Variants in CORO2B observed in about 807,000 individuals in gnomAD.
CORO2B encodes coronin-2B.
In CORO2B, 26 loss-of-function variants were observed where a neutral mutation model predicts 58.8. The ratio of observed to expected loss-of-function variants is 0.44; its 90% confidence interval spans 0.32 to 0.61. The LOEUF (loss-of-function observed/expected upper bound fraction) is 0.61. Among genes scored for constraint, CORO2B ranks in the 20% least tolerant of loss-of-function variants. The pLI, the probability that CORO2B is intolerant of heterozygous loss-of-function variation, is 0.04. For missense variants in CORO2B, 460 were observed against 645.1 expected, an observed-to-expected ratio of 0.71 and a Z score of 3.11; for synonymous variants, 242 against 253.8, an observed-to-expected ratio of 0.95 and a Z score of 0.44.
intron 2 of CORO2B, among the ~76,000 whole-genome samples, chr15:68,691,278 C>T (rs1361222389): frequency 4.2e-5 from 6 of 141,874 alleles, no homozygotes; most frequent in East Asian, 4.2e-4. Context: ...TGCAGTGAGC[C>T]GAGATCGCGC....
chr15:68,611,497 C>T (rs887449074), intron 1 of CORO2B, among the ~76,000 whole-genome samples: 1 of 152,170 alleles, frequency 6.6e-6, no homozygotes, highest in African/African-American at 2.4e-5. Flanking sequence ...ATTATTTATA[C>T]CATATTTTAC....
chr15:68,641,347 T>C (rs1198520010), intron 1 of CORO2B, among the ~76,000 whole-genome samples: 2 of 152,086 alleles, frequency 1.3e-5, no homozygotes, highest in African/African-American at 4.8e-5. Flanking sequence ...AAGGAGTCAC[T>C]CAAGAGACCA....
At chr15:68,631,930 G>A (rs574637772) in intron 1 of CORO2B, 1 of 985,342 alleles carries the variant, frequency 1.0e-6, no homozygotes, top group Admixed American at 6.1e-5. Context: ...GGCCACCAGG[G>A]AGGGCCACAT....
chr15:68,569,694 C>T, the CORO2B span, among the ~76,000 whole-genome samples: 3 of 152,330 alleles, frequency 2.0e-5, no homozygotes, highest in Non-Finnish European at 2.9e-5. Context: ...GAATAGGTTT[C>T]GTTTTGTAAG....
chr15:68,605,547 A>G (rs1306754625), intron 1 of CORO2B, among the ~76,000 whole-genome samples: 1 of 152,312 alleles, frequency 6.6e-6, no homozygotes, highest in Non-Finnish European at 1.5e-5. Context: ...GTGTGGGAAA[A>G]TATTCGTGCT....
At chr15:68,684,263 C>T (rs1262253805) in intron 2 of CORO2B, among the ~76,000 whole-genome samples, 1 of 152,200 alleles carries the variant, frequency 6.6e-6, no homozygotes, top group Non-Finnish European at 1.5e-5. Context: ...TAAAAGGCTC[C>T]TGTCAATATG....
intron 2 of CORO2B, among the ~76,000 whole-genome samples, chr15:68,689,435 T>C (rs1892302371): frequency 6.6e-6 from 1 of 152,190 alleles, no homozygotes. Flanking sequence ...ACTAAATCTC[T>C]GTTTTCTTAG....
the CORO2B span, among the ~76,000 whole-genome samples, chr15:68,529,658 A>C: frequency 6.6e-6 from 1 of 152,136 alleles, no homozygotes; most frequent in Admixed American, 6.5e-5. Context: ...CAATTTATTG[A>C]TCTTTTTAAA....
rs557756169 is a variant in CORO2B at position 68,651,111 on chromosome 15, T to C, written c.216+5751T>C. Among the ~76,000 whole-genome samples, 47 of 152,308 alleles carry C rather than the reference T, an allele frequency of 3.1e-4. 1 individual carries two copies. The highest frequency in any genetic ancestry group is 1.1e-3 in the African/African-American group (47 of 41,580). ...TGACTCCGTGGGAGGGTGAGGCAGC[T>C]CCTTGATCTGCGAGGCTCAAGTAAG... On this transcript the variant is annotated intron_variant, in intron 2 of 11. Transcript: ENST00000261861.
At chr15:68,541,827 C>T in the CORO2B span, among the ~76,000 whole-genome samples, 1 of 152,152 alleles carries the variant, frequency 6.6e-6, no homozygotes. Context: ...TGAGGGAGAC[C>T]CTTGGTGGCT....
At chr15:68,684,299 T>G (rs1160127915) in intron 2 of CORO2B, among the ~76,000 whole-genome samples, 1 of 152,112 alleles carries the variant, frequency 6.6e-6, no homozygotes, top group African/African-American at 2.4e-5. Context: ...CAAGGAGAAA[T>G]GGACTAACCC....
chr15:68,643,764 A>G (rs1268897093), intron 1 of CORO2B, among the ~76,000 whole-genome samples: 14 of 152,194 alleles, frequency 9.2e-5, no homozygotes, highest in Admixed American at 8.5e-4. Flanking sequence ...GCCAGGCGGC[A>G]CCGTGGCTCA....
the CORO2B span, among the ~76,000 whole-genome samples, chr15:68,564,374 G>C: frequency 6.6e-6 from 1 of 151,894 alleles, no homozygotes; most frequent in Non-Finnish European, 1.5e-5. Flanking sequence ...AGTGATCTTG[G>C]CTAACTACAA....
At chr15:68,549,957 T>TA in the CORO2B span, among the ~76,000 whole-genome samples, 10 of 145,224 alleles carry the variant, frequency 6.9e-5, no homozygotes, top group African/African-American at 1.6e-4. Flanking sequence ...TAAAATAAAA[T>TA]AAATAAATAA....
In CORO2B at chr15:68,713,923, A is replaced by G; in HGVS notation, c.649-2A>G. On this transcript the variant is annotated splice_acceptor_variant, in intron 5 of 11. Coordinates refer to ENST00000261861, the MANE Select transcript of CORO2B (RefSeq NM_006091.5). LOFTEE classifies it high-confidence loss of function. ...CTCACCACCTCCCTCTGTTCCTACT[A>G]GGAGGCCAACTGCAAAAACCACAGA... The G allele has an allele frequency of 1.9e-6, 3 of 1,612,356 alleles. No individual in the cohort carries two copies. The highest frequency in any genetic ancestry group is 2.5e-6 in the Non-Finnish European group (3 of 1,178,524).
At chr15:68,615,231 C>T (rs1900326060) in intron 1 of CORO2B, among the ~76,000 whole-genome samples, 1 of 152,148 alleles carries the variant, frequency 6.6e-6, no homozygotes, top group African/African-American at 2.4e-5. Flanking sequence ...CTAACCGTGA[C>T]CCCAGTTAGT....
rs1364433395 is a variant in CORO2B, at chr15:68,673,880, C to T, written c.217-21260C>T. 3.3e-5 allele frequency among the ~76,000 whole-genome samples: 5 copies of T among 150,916 alleles called. No individual in the cohort carries two copies. In the East Asian group the frequency reaches 9.7e-4, roughly 29 times the overall value. ...AAAAGGACAGTGTCCCGCTAAGACC[C>T]ACAGCACCGTGGGTGACTAACTAGG... On this transcript the variant is annotated intron_variant, in intron 2 of 11. Transcript: ENST00000261861.
intron 8 of CORO2B, 61 bp downstream of exon 8, chr15:68,715,372 A>G (rs1893009433): frequency 1.7e-6 from 2 of 1,188,632 alleles, no homozygotes; most frequent in Admixed American, 1.9e-5. Flanking sequence ...CATCTGGCCC[A>G]TGGGTCACCC....
In CORO2B at chr15:68,725,849, C is replaced by A. The variant is rs1408010523; in HGVS notation, c.1318C>A (p.Arg440=). The A allele has an allele frequency of 6.2e-7, 1 of 1,613,770 alleles. No individual in the cohort carries two copies. Among genetic ancestry groups the A allele is most frequent in the Non-Finnish European group, 8.5e-7 (1 of 1,180,006 alleles). Residue 440 remains arginine (R), a synonymous_variant, in exon 12 of 12, where the codon CGA becomes AGA. Coordinates refer to ENST00000261861, the MANE Select transcript of CORO2B (RefSeq NM_006091.5). ...CTCTCTTCCTCCACCCCAGCTCCTT[C>A]GAATGTTCTTCCGGCAGCAGGATGA... is the stretch of plus-strand genomic sequence containing the variant. ...VPPRTENELL[R]MFFRQQDEIR...
Sources: allele counts gnomAD v4.1 joint callset (sites outside exome capture counted in the v4.1 genomes callset), GRCh38; gene constraint gnomAD v4.1.1; transcripts MANE v1.5; gene names NCBI Gene and HGNC (gene_info 2026-07-23, HGNC 2026-07-21).